The following GPATCH3 variants were observed in gnomAD, a reference collection of about 807,000 sequenced individuals.
GPATCH3 encodes G patch domain-containing protein 3.
A neutral mutation model predicts 53.2 loss-of-function variants in GPATCH3; 45 were observed. That is an observed-to-expected ratio of 0.85 (90% CI 0.67 to 1.08). The LOEUF (loss-of-function observed/expected upper bound fraction) is 1.08. Among genes scored for constraint, GPATCH3 ranks in the 50% least tolerant of loss-of-function variants. The pLI is 0.00. For missense variants in GPATCH3, 680 were observed against 687.2 expected, an observed-to-expected ratio of 0.99 and a Z score of 0.12; for synonymous variants, 280 against 270.6, an observed-to-expected ratio of 1.03 and a Z score of -0.34.
chr1:26,900,256 T>C lies in GPATCH3; in HGVS notation c.187A>G (p.Asn63Asp). 6.2e-7 allele frequency: 1 copy of C among 1,613,964 alleles called. No individual in the cohort carries two copies. The highest frequency in any genetic ancestry group is 8.5e-7 in the Non-Finnish European group (1 of 1,179,978). ...GGGTCGGTAGGAATTAGGGCAGAGT[T>C]AGGAGCGGCCTGCGGAGGGGCCCGC... The part of the protein sequence containing the change: ...PERAPPQAAP[N>D]SALIPTDPAA... Residue 63 changes from asparagine to aspartate, a missense_variant, in exon 1 of 7, where the codon AAC (asparagine) becomes GAC (aspartate). By Grantham distance (23) the Asn-to-Asp change is conservative. Coordinates refer to ENST00000361720, the MANE Select transcript of GPATCH3 (RefSeq NM_022078.3).
At chr1:26,893,239 C>A (rs906239327) in intron 4 of GPATCH3, 150 bp downstream of exon 4, 2 of 734,402 alleles carry the variant, frequency 2.7e-6, no homozygotes, top group African/African-American at 3.5e-5. Flanking sequence ...TGTACACAAC[C>A]AAAGATGTTT....
At chr1:26,893,279 A>C in intron 4 of GPATCH3, 110 bp downstream of exon 4, 2 of 882,122 alleles carry the variant, frequency 2.3e-6, no homozygotes, top group African/African-American at 1.6e-5. Context: ...GGGCTACCCC[A>C]AGGGAACGGG....
rs1173088127 is a variant in GPATCH3, at chr1:26,900,093, A to G, written c.350T>C (p.Leu117Pro). The change falls in exon 1 of 7, where the codon CTT becomes CCT. Residue 117 changes from leucine to proline, a missense_variant. Coordinates refer to ENST00000361720, the MANE Select transcript of GPATCH3 (RefSeq NM_022078.3). ...CCGGCGGCCCGAGTACATGCGAATAAGCCTCTGAGCTTGAGCCAACCCCCT... is the reference window on the plus strand; with the variant it reads ...CCGGCGGCCCGAGTACATGCGAATAGGCCTCTGAGCTTGAGCCAACCCCCT... ...SVRGLAQAQR[L>P]IRMYSGRRWL... 2 of 1,614,168 alleles carry G rather than the reference A, an allele frequency of 1.2e-6. No individual in the cohort carries two copies. The highest frequency in any genetic ancestry group is 1.7e-5 in the Admixed American group (1 of 60,024).
At chr1:26,894,161 C>A (rs1240697108) in intron 3 of GPATCH3, 75 bp downstream of exon 3, 3 of 1,461,944 alleles carry the variant, frequency 2.1e-6, no homozygotes, top group Non-Finnish European at 2.8e-6. Context: ...ACTACAGAAT[C>A]TACCGTGTGG....
At chr1:26,893,526 T>TG (rs2081937708) in intron 3 of GPATCH3, 78 bp from the exon 4 acceptor site, 2 of 947,120 alleles carry the variant, frequency 2.1e-6, no homozygotes, top group Admixed American at 2.3e-5. Flanking sequence ...AGAGTTTTTT[T>TG]GGCTTTTTTT....
intron 2 of GPATCH3, among the ~76,000 whole-genome samples, chr1:26,895,893 G>C (rs2081948987): frequency 1.3e-5 from 2 of 152,232 alleles, no homozygotes; most frequent in South Asian, 4.1e-4. Context: ...GCCTCCCAAA[G>C]TGCTGGGATT....
At chr1:26,891,639 TG>T (rs1401513565) in intron 6 of GPATCH3, among the ~76,000 whole-genome samples, 8 of 151,994 alleles carry the variant, frequency 5.3e-5, no homozygotes, top group African/African-American at 1.9e-4. Context: ...CTCCACCTCC[TG>T]GGTTCAAGCG....
chr1:26,899,851 G>C, intron 1 of GPATCH3, 141 bp downstream of exon 1: 1 of 733,500 alleles, frequency 1.4e-6, no homozygotes, highest in Non-Finnish European at 2.2e-6. Flanking sequence ...CTCCCTGCAA[G>C]TTGAGCCTGA....
chr1:26,891,640 G>A (rs899105431), intron 6 of GPATCH3, among the ~76,000 whole-genome samples: 1 of 152,024 alleles, frequency 6.6e-6, no homozygotes, highest in Admixed American at 6.6e-5. Context: ...TCCACCTCCT[G>A]GGTTCAAGCG....
intron 1 of GPATCH3, among the ~76,000 whole-genome samples, chr1:26,898,770 G>C (rs1007909644): frequency 1.3e-5 from 2 of 150,866 alleles, no homozygotes; most frequent in African/African-American, 4.9e-5. Flanking sequence ...GGGCTCAAGT[G>C]ATCCCCCCAC....
At chr1:26,897,220 T>TA in intron 2 of GPATCH3, 81 bp downstream of exon 2, 2 of 1,364,686 alleles carry the variant, frequency 1.5e-6, no homozygotes, top group Middle Eastern at 4.2e-4. Context: ...ACCCTTGTAA[T>TA]AGACAATTGA....
intron 3 of GPATCH3, 58 bp downstream of exon 3, chr1:26,894,178 G>A: frequency 9.0e-6 from 14 of 1,552,842 alleles, no homozygotes; most frequent in Non-Finnish European, 1.2e-5. Flanking sequence ...GTGGAACAGG[G>A]AACCCCAAAA....
At chr1:26,893,529 C>CTTTT (rs57218076) in intron 3 of GPATCH3, 81 bp from the exon 4 acceptor site, 254 of 372,742 alleles carry the variant, frequency 6.8e-4, no homozygotes, top group African/African-American at 1.3e-3. Flanking sequence ...GTTTTTTTGG[C>CTTTT]TTTTTTTTTT....
chr1:26,891,032 T>C lies in GPATCH3; in HGVS notation c.1556A>G (p.Asp519Gly). ...CGGTCAGTCAGGCAATGAGGGGCTG[T>C]CTGAAGCACAACTGGAACCCCTCAC... ...AFVRGSSCAS[D>G]SPSLPD The change falls in exon 7 of 7, where the codon GAC becomes GGC. Residue 519 changes from aspartate to glycine, a missense_variant. Asp to Gly is a moderately conservative substitution (Grantham distance 94). Transcript: ENST00000361720. 3 of 1,614,072 alleles carry C rather than the reference T, an allele frequency of 1.9e-6. No homozygotes were observed. Among genetic ancestry groups the C allele is most frequent in the Non-Finnish European group, 2.5e-6 (3 of 1,179,994 alleles).
In GPATCH3 at chr1:26,897,651, C is replaced by A. The variant is rs753888321; in HGVS notation, c.526G>T (p.Ala176Ser). The A allele has an allele frequency of 6.2e-7, 1 of 1,614,140 alleles. No homozygotes were observed. ...AGCTCCGGCAGTTGCTTCAGGTCAG[C>A]CAGGGTGAAGGCTTCATTCTCTGCC... Reference protein sequence around the residue: ...WKAENEAFTLADLKQLPELNP... With the variant: ...WKAENEAFTLSDLKQLPELNP... The change falls in exon 2 of 7, where the codon GCT (alanine) becomes TCT (serine). Residue 176 changes from alanine to serine, a missense_variant. By Grantham distance (99) the Ala-to-Ser change is moderately conservative. Coordinates refer to ENST00000361720, the MANE Select transcript of GPATCH3 (RefSeq NM_022078.3).
chr1:26,896,863 A>G (rs2081953207), intron 2 of GPATCH3, among the ~76,000 whole-genome samples: 1 of 151,920 alleles, frequency 6.6e-6, no homozygotes, highest in South Asian at 2.1e-4. Flanking sequence ...TCTACTAAAA[A>G]TACAAAAAAT....
chr1:26,900,087 C>T lies in GPATCH3; in HGVS notation c.356G>A (p.Arg119His). The change falls in exon 1 of 7, where the codon CGC becomes CAC. Residue 119 changes from arginine (R) to histidine (H), a missense_variant. Physicochemically the swap from Arg to His is conservative, Grantham distance 29. Coordinates refer to ENST00000361720, the MANE Select transcript of GPATCH3 (RefSeq NM_022078.3). ...RGLAQAQRLIRMYSGRRWLDS... is the reference protein window; with the variant it reads ...RGLAQAQRLIHMYSGRRWLDS... ...CAGCCACCGGCGGCCCGAGTACATG[C>T]GAATAAGCCTCTGAGCTTGAGCCAA... 1 of 1,614,174 alleles carries T rather than the reference C, an allele frequency of 6.2e-7. No homozygotes were observed. Among genetic ancestry groups the T allele is most frequent in the Non-Finnish European group, 8.5e-7 (1 of 1,180,054 alleles).
chr1:26,894,850 A>G (rs564920200), intron 2 of GPATCH3, among the ~76,000 whole-genome samples: 6 of 152,244 alleles, frequency 3.9e-5, no homozygotes, highest in South Asian at 2.1e-4. Flanking sequence ...AATGGACAAT[A>G]ATGCTTATTG....
chr1:26,892,261 G>C, intron 6 of GPATCH3, 150 bp downstream of exon 6: 2 of 950,940 alleles, frequency 2.1e-6, no homozygotes, highest in Middle Eastern at 3.4e-4. Context: ...GAGCCACCGT[G>C]CCTGGCCCAG....
Sources: allele counts gnomAD v4.1 joint callset (sites outside exome capture counted in the v4.1 genomes callset), GRCh38; gene constraint gnomAD v4.1.1; transcripts MANE v1.5; gene names NCBI Gene and HGNC (gene_info 2026-07-23, HGNC 2026-07-21).